Variants in RAD51B observed in about 807,000 individuals in gnomAD.
RAD51B encodes DNA repair protein RAD51 homolog 2.
A neutral mutation model predicts 42.2 loss-of-function variants in RAD51B; 38 were observed. The ratio of observed to expected loss-of-function variants is 0.90; its 90% CI spans 0.70 to 1.18. RAD51B has a LOEUF of 1.18. Among genes scored for constraint, RAD51B ranks in the 50% most tolerant of loss-of-function variants. The pLI, the probability that RAD51B is intolerant of heterozygous loss-of-function variation, is 0.00. For synonymous variants in RAD51B, 154 were observed against 145.2 expected (o/e 1.06, Z -0.43); for missense variants, 373 against 400.7 (o/e 0.93, Z 0.59).
chr14:68,362,366 A>G (rs1480570852), intron 8 of RAD51B, among the ~76,000 whole-genome samples: 1 of 152,246 alleles, frequency 6.6e-6, no homozygotes, highest in Admixed American at 6.5e-5. Context: ...AGGATTTTTC[A>G]TATATTAATT....
intron 10 of RAD51B, among the ~76,000 whole-genome samples, chr14:68,527,132 A>G (rs1188961711): frequency 6.6e-6 from 1 of 152,254 alleles, no homozygotes; most frequent in East Asian, 1.9e-4. Flanking sequence ...GATGACCAAA[A>G]CAAAACAAAA....
At chr14:67,875,086 G>C (rs1201843656) in intron 5 of RAD51B, among the ~76,000 whole-genome samples, 1 of 152,090 alleles carries the variant, frequency 6.6e-6, no homozygotes, top group African/African-American at 2.4e-5. Context: ...CAGGACTCTG[G>C]AAGGTGGGAA....
intron 9 of RAD51B, among the ~76,000 whole-genome samples, chr14:68,412,302 G>A (rs1433952950): frequency 6.6e-6 from 1 of 152,148 alleles, no homozygotes; most frequent in Non-Finnish European, 1.5e-5. Flanking sequence ...TCTCCTAAAA[G>A]CAGGAGGAAG....
chr14:68,467,462 G>T lies in RAD51B; in HGVS notation c.958-710G>T, dbSNP rs376913175. ...GCCTTCCTGGCCAACTCTGTTTCAG[G>T]TATCTATTGCCCTTCTTCTGAGATA... On this transcript the variant is annotated intron_variant, in intron 9 of 10. Transcript: ENST00000471583. Among the ~76,000 whole-genome samples, 92 of 152,314 alleles carry T rather than the reference G, an allele frequency of 6.0e-4. 2 individuals are homozygous for T. The South Asian group carries it at 0.019, about 31-fold the overall frequency.
At chr14:68,170,949 T>C (rs1002929246) in intron 7 of RAD51B, among the ~76,000 whole-genome samples, 1 of 152,220 alleles carries the variant, frequency 6.6e-6, no homozygotes, top group Non-Finnish European at 1.5e-5. Context: ...AAAATGTTCC[T>C]GTCTTGGTTT....
chr14:67,959,915 A>T (rs995121372), intron 7 of RAD51B, among the ~76,000 whole-genome samples: 1 of 152,044 alleles, frequency 6.6e-6, no homozygotes, highest in Non-Finnish European at 1.5e-5. Flanking sequence ...CCCTGTCTCT[A>T]CTAAAAATAC....
At chr14:68,539,179 C>A (rs754164456) in intron 10 of RAD51B, among the ~76,000 whole-genome samples, 2 of 152,194 alleles carry the variant, frequency 1.3e-5, no homozygotes, top group Non-Finnish European at 2.9e-5. Flanking sequence ...AGGGATCCCC[C>A]CTTTCTCCAT....
chr14:68,483,265 A>G (rs951650310), intron 10 of RAD51B, among the ~76,000 whole-genome samples: 15 of 152,208 alleles, frequency 9.9e-5, no homozygotes, highest in Admixed American at 2.0e-4. Flanking sequence ...TGGGCTTGCA[A>G]ATGTTTCCTT....
intron 8 of RAD51B, among the ~76,000 whole-genome samples, chr14:68,387,602 A>G (rs554586509): frequency 2.2e-4 from 33 of 152,242 alleles, no homozygotes; most frequent in Non-Finnish European, 4.0e-4. Flanking sequence ...AACCATACTC[A>G]AAGTAGCTGA....
intron 10 of RAD51B, among the ~76,000 whole-genome samples, chr14:68,556,580 A>T (rs1214059138): frequency 6.6e-6 from 1 of 152,150 alleles, no homozygotes; most frequent in Non-Finnish European, 1.5e-5. Flanking sequence ...GTCTTTTAAG[A>T]GCGTGAAACC....
chr14:68,432,969 G>T (rs1214258179), intron 9 of RAD51B, among the ~76,000 whole-genome samples: 1 of 152,138 alleles, frequency 6.6e-6, no homozygotes, highest in Non-Finnish European at 1.5e-5. Context: ...CTCAGCATTT[G>T]CTTGTCTGTA....
rs866251815 is a variant in RAD51B, at chr14:67,980,313, C to T, written c.756+93109C>T. On this transcript the variant is annotated intron_variant, in intron 7 of 10. Transcript: ENST00000471583. Reference sequence around the variant, plus strand: ...TACAAAAATTAGCTGGGCGTGCTGGCGGGCGCCTGTAATCCCAGTTATGGG... The same window carrying T: ...TACAAAAATTAGCTGGGCGTGCTGGTGGGCGCCTGTAATCCCAGTTATGGG... Among the ~76,000 whole-genome samples the T allele has an allele frequency of 2.0e-4, 31 of 152,082 alleles. 2 individuals are homozygous for T. Among genetic ancestry groups the T allele is most frequent in the Admixed American group, 1.4e-3 (21 of 15,270 alleles).
chr14:68,007,783 T>C (rs1043809420), intron 7 of RAD51B, among the ~76,000 whole-genome samples: 4 of 151,964 alleles, frequency 2.6e-5, no homozygotes, highest in African/African-American at 7.2e-5. Context: ...AGGGCAAATA[T>C]CTCCATATGA....
chr14:68,438,677 G>A (rs917070190), intron 9 of RAD51B, among the ~76,000 whole-genome samples: 2 of 152,058 alleles, frequency 1.3e-5, no homozygotes, highest in Non-Finnish European at 1.5e-5. Flanking sequence ...TCCTTATTTC[G>A]GATCCCTGGC....
intron 7 of RAD51B, among the ~76,000 whole-genome samples, chr14:68,237,892 G>A (rs1007087858): frequency 3.3e-5 from 5 of 151,908 alleles, no homozygotes; most frequent in Admixed American, 1.3e-4. Context: ...GCACCACCAC[G>A]CCCAGCTGAT....
chr14:67,912,412 A>C (rs1269213485), intron 7 of RAD51B, among the ~76,000 whole-genome samples: 1 of 152,198 alleles, frequency 6.6e-6, no homozygotes, highest in Non-Finnish European at 1.5e-5. Context: ...TCCCTGTTTT[A>C]GACATGATAA....
chr14:68,288,018 G>A (rs73290275), intron 7 of RAD51B, among the ~76,000 whole-genome samples: 3,624 of 152,244 alleles, frequency 0.024, 155 homozygotes, highest in African/African-American at 0.081. Flanking sequence ...TGTGCAAATT[G>A]CTCTTACACA....
chr14:67,883,305 A>T (rs1595057787), intron 5 of RAD51B, among the ~76,000 whole-genome samples: 1 of 1,900 alleles, frequency 5.3e-4, no homozygotes, highest in Non-Finnish European at 5.2e-3. Context: ...AATAAAAGCT[A>T]AAAAAAAAAA....
At chr14:67,981,576 A>G (rs1566553447) in intron 7 of RAD51B, among the ~76,000 whole-genome samples, 1 of 152,240 alleles carries the variant, frequency 6.6e-6, no homozygotes, top group Non-Finnish European at 1.5e-5. Context: ...CAACAAGTGA[A>G]TGGATAAACA....
Sources: gnomAD v4.1 joint callset for allele counts (sites outside exome capture counted in the v4.1 genomes callset) on GRCh38, gnomAD v4.1.1 for gene constraint, MANE v1.5 for transcripts, NCBI Gene and HGNC (gene_info 2026-07-23, HGNC 2026-07-21) for gene names.